Variants in RRP12 observed in about 807,000 individuals in gnomAD.
RRP12 encodes ribosomal RNA processing 12 homolog, also known as RRP12-like protein.
A neutral mutation model predicts 157.3 loss-of-function variants in RRP12; 78 were observed. The ratio of observed to expected loss-of-function variants is 0.50; its 90% confidence interval spans 0.41 to 0.60. RRP12 has a LOEUF of 0.60. RRP12 is among the 20% of genes least tolerant of loss of function. RRP12 has a pLI of 0.00. For missense variants in RRP12, 1,521 were observed against 1,679.9 expected, an observed-to-expected ratio of 0.91 and a Z score of 1.65; for synonymous variants, 726 against 670.9, an observed-to-expected ratio of 1.08 and a Z score of -1.27.
At chr10:97,374,515 G>C (rs1589422610) in intron 15 of RRP12, among the ~76,000 whole-genome samples, 1 of 149,870 alleles carries the variant, frequency 6.7e-6, no homozygotes, top group East Asian at 2.1e-4. Flanking sequence ...GCTCACACCT[G>C]TAATCCCAGC....
At position 97,358,524 on chromosome 10, in the gene RRP12, C is replaced by T. The variant is rs750380402; in HGVS notation, c.3791+13G>A. On this transcript the variant is annotated intron_variant, in intron 33 of 33. Coordinates refer to ENST00000370992, the MANE Select transcript of RRP12 (RefSeq NM_015179.4). ...ATCCTCCAGCCCCCAGCCTGCCTGGCACAGCGTCATACCTGCGGTTGAGCT... is the reference window on the plus strand; with the variant it reads ...ATCCTCCAGCCCCCAGCCTGCCTGGTACAGCGTCATACCTGCGGTTGAGCT... The T allele has an allele frequency of 6.2e-7, 1 of 1,609,062 alleles. No individual in the cohort carries two copies. The highest frequency in any genetic ancestry group is 8.5e-7 in the Non-Finnish European group (1 of 1,175,464).
chr10:97,385,748 T>C (rs1393790679), intron 9 of RRP12, 147 bp downstream of exon 9: 1 of 619,326 alleles, frequency 1.6e-6, no homozygotes, highest in African/African-American at 1.8e-5. Context: ...CCAATCTTCC[T>C]TCCCCTTCTA....
At chr10:97,377,503 T>C (rs1844342473) in intron 15 of RRP12, among the ~76,000 whole-genome samples, 2 of 152,104 alleles carry the variant, frequency 1.3e-5, no homozygotes, top group Admixed American at 1.3e-4. Context: ...CACTCCAGCC[T>C]GGGTGACAGA....
intron 30 of RRP12, 86 bp downstream of exon 30, chr10:97,363,768 A>G: frequency 8.2e-7 from 1 of 1,223,610 alleles, no homozygotes; most frequent in Non-Finnish European, 1.2e-6. Context: ...GGGCAGTTCC[A>G]ATGTCTACGT....
chr10:97,362,064 G>A (rs1299046677), intron 30 of RRP12, among the ~76,000 whole-genome samples: 11 of 147,140 alleles, frequency 7.5e-5, no homozygotes, highest in Admixed American at 7.0e-4. Flanking sequence ...CCGAGATTGC[G>A]CCACTACACT....
rs10882907 is a variant in RRP12 at position 97,366,031 on chromosome 10, G to C, written c.3517+77C>G. The C allele has an allele frequency of 0.34, 532,533 of 1,584,206 alleles. 92,156 individuals are homozygous for C. The highest frequency in any genetic ancestry group is 0.53 in the African/African-American group (39,728 of 74,324). On this transcript the variant is annotated intron_variant, in intron 29 of 33. Transcript: ENST00000370992. ...GAAGAGTTTCTCTGGTCTGTTTTTA[G>C]CCACGCTTCCTCAGCAAGTGATCAC...
Position 97,379,625 on chromosome 10 carries a change from T to TA in RRP12, c.1676+2dup, listed in dbSNP as rs1226222512. On this transcript the variant is annotated splice_region_variant and intron_variant, in intron 14 of 33. Coordinates refer to ENST00000370992, the MANE Select transcript of RRP12 (RefSeq NM_015179.4). ...TCAGGAAGCCAGCCAGGGCCACACT[T>TA]ACTCAGAGCCATCAATTTCCAAAGG... The TA allele has an allele frequency of 1.9e-6, 3 of 1,613,734 alleles. No homozygotes were observed. The South Asian group carries it at 3.3e-5, about 18-fold the overall frequency.
At chr10:97,387,697 T>C (rs950072614) in intron 8 of RRP12, among the ~76,000 whole-genome samples, 1 of 151,494 alleles carries the variant, frequency 6.6e-6, no homozygotes, top group African/African-American at 2.4e-5. Context: ...TCCCAGAACT[T>C]TGGGAGGTTG....
Position 97,356,840 on chromosome 10 carries a change from G to C in RRP12, c.*254C>G, listed in dbSNP as rs1737497409. 2.4e-6 allele frequency: 1 copy of C among 420,718 alleles called. No individual in the cohort carries two copies. Among genetic ancestry groups the C allele is most frequent in the African/African-American group, 2.1e-5 (1 of 48,470 alleles). The allele number at this position is 420,718 out of a possible 1,614,324, so 26.1% of individuals were successfully genotyped here. On this transcript the variant is annotated 3_prime_UTR_variant, in exon 34 of 34. Coordinates refer to ENST00000370992, the MANE Select transcript of RRP12 (RefSeq NM_015179.4). Reference sequence around the variant, plus strand: ...TGCTCATGGCCACTCTGGGCAGAAAGCAAAGGTGCCTCATGGCACCTACTC... The same window carrying C: ...TGCTCATGGCCACTCTGGGCAGAAACCAAAGGTGCCTCATGGCACCTACTC...
intron 10 of RRP12, 82 bp downstream of exon 10, chr10:97,385,084 T>A: frequency 2.3e-6 from 1 of 441,048 alleles, no homozygotes; most frequent in Non-Finnish European, 3.2e-6. Flanking sequence ...ACCCCCCACC[T>A]CGGCAGCCTG....
chr10:97,390,842 A>T lies in RRP12; in HGVS notation c.533T>A (p.Val178Asp). 6.3e-7 allele frequency: 1 copy of T among 1,595,478 alleles called. No individual in the cohort carries two copies. The highest frequency in any genetic ancestry group is 8.6e-7 in the Non-Finnish European group (1 of 1,162,948). ...AYLLNLVLKR[V>D]PSPVLIKKFS... Reference sequence around the variant, plus strand: ...CTTCTTAATAAGCACAGGGCTGGGAACACTGTGGGAAAGAACAGAGATGGT... The same window carrying T: ...CTTCTTAATAAGCACAGGGCTGGGATCACTGTGGGAAAGAACAGAGATGGT... Residue 178 changes from valine (V) to aspartate (D), a missense_variant and splice_region_variant, in exon 5 of 34, where the codon GTT becomes GAT. Transcript: ENST00000370992.
Position 97,388,243 on chromosome 10 carries a change from T to C in RRP12, c.1017+9A>G. ...TCCCCCTTTCTCCAGCTTTTGGGCC[T>C]GAGCTCACCACATGGCTCAAGGTCA... On this transcript the variant is annotated intron_variant, in intron 8 of 33. Coordinates refer to ENST00000370992, the MANE Select transcript of RRP12 (RefSeq NM_015179.4). 6.2e-7 allele frequency: 1 copy of C among 1,613,746 alleles called. No individual in the cohort carries two copies. Among genetic ancestry groups the C allele is most frequent in the Non-Finnish European group, 8.5e-7 (1 of 1,179,998 alleles).
intron 29 of RRP12, among the ~76,000 whole-genome samples, chr10:97,365,169 G>A (rs1392767196): frequency 1.3e-5 from 2 of 152,032 alleles, no homozygotes; most frequent in African/African-American, 2.4e-5. Context: ...TGCATGTGGA[G>A]CAGTGAGGCT....
At chr10:97,365,665 C>G (rs1843955425) in intron 29 of RRP12, among the ~76,000 whole-genome samples, 1 of 151,648 alleles carries the variant, frequency 6.6e-6, no homozygotes, top group African/African-American at 2.4e-5. Flanking sequence ...CGGAGGGACT[C>G]CCGGGCAATG....
intron 2 of RRP12, among the ~76,000 whole-genome samples, chr10:97,397,425 G>C (rs1047965748): frequency 1.3e-5 from 2 of 152,194 alleles, no homozygotes; most frequent in Non-Finnish European, 2.9e-5. Flanking sequence ...GCCTCCCAAA[G>C]TGCTAGGATT....
At chr10:97,391,191 C>T (rs1272362341) in intron 4 of RRP12, among the ~76,000 whole-genome samples, 3 of 152,220 alleles carry the variant, frequency 2.0e-5, no homozygotes, top group Admixed American at 2.0e-4. Context: ...GGGGCCAACA[C>T]TCACACTCCC....
chr10:97,390,432 G>A lies in RRP12; in HGVS notation c.744C>T (p.Pro248=), dbSNP rs1453450422. Reference sequence around the variant, plus strand: ...GAGCTAGTAGTCTCACCTTGGGCTTGGGATGCACCGTGAAGCTCAGCAGCC... The same window carrying A: ...GAGCTAGTAGTCTCACCTTGGGCTTAGGATGCACCGTGAAGCTCAGCAGCC... ...YHGLLSFTVH[P]KPKIRKAAQH... is the part of the protein sequence containing the mutation. Residue 248 remains proline (P), a synonymous_variant, in exon 6 of 34, where the codon CCC becomes CCT. Transcript: ENST00000370992. 6.2e-7 allele frequency: 1 copy of A among 1,612,524 alleles called. No homozygotes were observed.
chr10:97,384,972 C>T (rs1844580722), intron 10 of RRP12, among the ~76,000 whole-genome samples, 194 bp downstream of exon 10: 1 of 145,910 alleles, frequency 6.9e-6, no homozygotes, highest in Admixed American at 6.8e-5. Context: ...CCCCCCACCT[C>T]AGCAGCCTGG....
At chr10:97,366,941 C>G (rs1160099432) in intron 26 of RRP12, 32 bp from the exon 27 acceptor site, 2 of 1,610,240 alleles carry the variant, frequency 1.2e-6, no homozygotes, top group South Asian at 2.2e-5. Flanking sequence ...TGGTGAGAGG[C>G]ACTGGCCAGA....
Sources: gnomAD v4.1 joint callset for allele counts (sites outside exome capture counted in the v4.1 genomes callset) on GRCh38, gnomAD v4.1.1 for gene constraint, MANE v1.5 for transcripts, NCBI Gene and HGNC (gene_info 2026-07-23, HGNC 2026-07-21) for gene names.